RPS6KA2: variants seen among roughly 807,000 people sequenced by gnomAD.
RPS6KA2 encodes the protein ribosomal protein S6 kinase alpha-2.
Under a neutral mutation model 91.8 loss-of-function variants are expected in RPS6KA2, and 42 were observed. The ratio of observed to expected loss-of-function variants is 0.46; its 90% CI spans 0.36 to 0.59. The LOEUF (loss-of-function observed/expected upper bound fraction) is 0.59, where lower values mean the gene tolerates loss of function less well. Ranked by LOEUF, RPS6KA2 falls within the 20% of genes least tolerant of loss-of-function variation. The probability of loss-of-function intolerance (pLI) is 0.00; values close to 1 mark genes in which losing one functional copy is unlikely to be tolerated. For missense variants in RPS6KA2, 798 were observed against 978.5 expected, an observed-to-expected ratio of 0.82 and a Z score of 2.46; for synonymous variants, 414 against 393.6, an observed-to-expected ratio of 1.05 and a Z score of -0.61.
At chr6:166,441,620 C>G (rs1485855557) in intron 14 of RPS6KA2, among the ~76,000 whole-genome samples, 1 of 152,224 alleles carries the variant, frequency 6.6e-6, no homozygotes, top group Non-Finnish European at 1.5e-5. Flanking sequence ...AACTTGAACA[C>G]AAGCTCCCCT....
At chr6:166,685,710 G>A (rs1484276990) in intron 2 of RPS6KA2, among the ~76,000 whole-genome samples, 8 of 152,148 alleles carry the variant, frequency 5.3e-5, no homozygotes, top group Non-Finnish European at 8.8e-5. Context: ...TGGGCATCAC[G>A]TTTCTTATGG....
Position 166,665,634 on chromosome 6 carries a change from CA to C in RPS6KA2, c.124-126851del, listed in dbSNP as rs1788293616. On this transcript the variant is annotated intron_variant, in intron 2 of 21. Transcript: ENST00000503859. This position sits in a 1 kb window ranked among gnomAD's most constrained non-coding sequence, Gnocchi z 4.5. The stretch of plus-strand genomic sequence containing the variant: ...AAGACTCCAGAGCCAGTGCGACCCT[CA>C]TTAGAACAAGCACCGGAGACATGAA... Among the ~76,000 whole-genome samples, 3 of 152,204 alleles carry C rather than the reference CA, an allele frequency of 2.0e-5. No homozygotes were observed. The highest frequency in any genetic ancestry group is 2.0e-4 in the Admixed American group (3 of 15,284).
chr6:166,599,528 C>G (rs1426375834), intron 1 of RPS6KA2, among the ~76,000 whole-genome samples: 1 of 152,216 alleles, frequency 6.6e-6, no homozygotes, highest in African/African-American at 2.4e-5. Context: ...TAGCTCCATT[C>G]AGCCTTCTCA....
chr6:166,820,790 A>C (rs1779887490), intron 2 of RPS6KA2, among the ~76,000 whole-genome samples: 1 of 152,252 alleles, frequency 6.6e-6, no homozygotes, highest in African/African-American at 2.4e-5. Context: ...TTGTTATAAG[A>C]CAGTAAATTG....
At chr6:166,469,587 G>A (rs990894738) in intron 11 of RPS6KA2, among the ~76,000 whole-genome samples, 21 of 152,190 alleles carry the variant, frequency 1.4e-4, no homozygotes, top group Admixed American at 9.2e-4. Context: ...GGGCAGAGGA[G>A]AGTAGAAGGA....
Position 166,563,420 on chromosome 6 carries a change from C to T in RPS6KA2, c.100-24636G>A, listed in dbSNP as rs1033853801. Among the ~76,000 whole-genome samples, 4 of 152,316 alleles carry T rather than the reference C, an allele frequency of 2.6e-5. No homozygotes were observed. Among genetic ancestry groups the T allele is most frequent in the South Asian group, 2.1e-4 (1 of 4,828 alleles). ...GCCAGCGGTGGGATCCCTCTTCCTGCACAGAACCGCCTCTTCCTTCCTCCT... is the reference window on the plus strand; with the variant it reads ...GCCAGCGGTGGGATCCCTCTTCCTGTACAGAACCGCCTCTTCCTTCCTCCT... On this transcript the variant is annotated intron_variant, in intron 1 of 20. Coordinates refer to ENST00000265678, the MANE Select transcript of RPS6KA2 (RefSeq NM_021135.6). The surrounding 1 kb of genome is among the most constrained non-coding windows in gnomAD (Gnocchi z 4.1).
At chr6:166,507,141 T>TCC (rs1327776998) in intron 5 of RPS6KA2, among the ~76,000 whole-genome samples, 3 of 151,990 alleles carry the variant, frequency 2.0e-5, no homozygotes, top group African/African-American at 7.3e-5. Flanking sequence ...TAGCAGTACC[T>TCC]CCCTCTTCCC....
chr6:166,690,851 C>T (rs1052581216), intron 2 of RPS6KA2, among the ~76,000 whole-genome samples: 2 of 152,116 alleles, frequency 1.3e-5, no homozygotes, highest in African/African-American at 4.8e-5. Flanking sequence ...TCTCTGACCA[C>T]GGAGACCCTG....
chr6:166,502,842 G>C (rs957535222), intron 6 of RPS6KA2, among the ~76,000 whole-genome samples: 1 of 152,164 alleles, frequency 6.6e-6, no homozygotes, highest in Non-Finnish European at 1.5e-5. Flanking sequence ...CAGCAGCTGC[G>C]GAGGCTGCTC....
intron 2 of RPS6KA2, among the ~76,000 whole-genome samples, chr6:166,659,826 C>T (rs545725479): frequency 6.6e-6 from 1 of 152,370 alleles, no homozygotes; most frequent in East Asian, 1.9e-4. Context: ...CGGGAGCCCA[C>T]TCCCTCAGTG....
chr6:166,808,967 G>C (rs561440219), intron 2 of RPS6KA2, among the ~76,000 whole-genome samples: 2 of 152,332 alleles, frequency 1.3e-5, no homozygotes, highest in African/African-American at 4.8e-5. Context: ...AATATAGACT[G>C]CAAGACACTA....
At chr6:166,846,850 T>A (rs1780619059) in intron 2 of RPS6KA2, among the ~76,000 whole-genome samples, 1 of 152,052 alleles carries the variant, frequency 6.6e-6, no homozygotes, top group Admixed American at 6.5e-5. Context: ...GTACTGGAAG[T>A]CCTAGCCAGA....
intron 2 of RPS6KA2, among the ~76,000 whole-genome samples, chr6:166,706,411 T>C (rs1171779741): frequency 6.6e-6 from 1 of 152,040 alleles, no homozygotes; most frequent in Non-Finnish European, 1.5e-5. Context: ...AGAAATAAAA[T>C]GAGGAGAAGA....
intron 1 of RPS6KA2, among the ~76,000 whole-genome samples, chr6:166,609,675 T>A (rs997217944): frequency 6.6e-6 from 1 of 152,056 alleles, no homozygotes; most frequent in Non-Finnish European, 1.5e-5. Context: ...AATTTTTGTA[T>A]TTTTAGTAGA....
chr6:166,602,392 G>A (rs1010386230), intron 1 of RPS6KA2, among the ~76,000 whole-genome samples: 3 of 152,164 alleles, frequency 2.0e-5, no homozygotes, highest in African/African-American at 7.2e-5. Flanking sequence ...CTGCCCCTAC[G>A]GTGCTCAAGG....
intron 3 of RPS6KA2, among the ~76,000 whole-genome samples, chr6:166,523,644 T>C (rs1782931061): frequency 6.6e-6 from 1 of 152,122 alleles, no homozygotes; most frequent in Admixed American, 6.5e-5. Flanking sequence ...TTTCCTTACT[T>C]TTTTCTCCCC....
intron 3 of RPS6KA2, among the ~76,000 whole-genome samples, chr6:166,524,749 A>G (rs1369795185): frequency 6.6e-6 from 1 of 152,192 alleles, no homozygotes; most frequent in Non-Finnish European, 1.5e-5. Context: ...GTCGGCAATG[A>G]TGTGGGGTAG....
chr6:166,699,270 C>T (rs1487885417), intron 2 of RPS6KA2, among the ~76,000 whole-genome samples: 1 of 152,088 alleles, frequency 6.6e-6, no homozygotes, highest in Non-Finnish European at 1.5e-5. Flanking sequence ...ATTGCTTCCA[C>T]TTGAGAGGAT....
rs752983510 is a variant in RPS6KA2, at chr6:166,419,791, G to A, written c.1820+91C>T. 34 of 1,194,626 alleles carry A rather than the reference G, an allele frequency of 2.8e-5. No individual in the cohort carries two copies. The highest frequency in any genetic ancestry group is 3.5e-5 in the Non-Finnish European group (28 of 804,826). 74.0% of individuals were successfully genotyped at this position (1,194,626 alleles called of 1,614,324 possible). A position where few individuals can be genotyped will look rare whatever the true frequency, so the allele number is the denominator to read the frequency against. On this transcript the variant is annotated intron_variant, in intron 18 of 20. Coordinates refer to ENST00000265678, the MANE Select transcript of RPS6KA2 (RefSeq NM_021135.6). This position sits in a 1 kb window ranked among gnomAD's most constrained non-coding sequence, Gnocchi z 5.6. ...TGGGTTTGCCCACATGCGCACACTAGGACAGGGCTGGCCCTGGTCCCCTGA... is the reference window on the plus strand; with the variant it reads ...TGGGTTTGCCCACATGCGCACACTAAGACAGGGCTGGCCCTGGTCCCCTGA...
Sources: allele counts gnomAD v4.1 joint callset (sites outside exome capture counted in the v4.1 genomes callset), GRCh38; gene constraint gnomAD v4.1.1; non-coding constraint Gnocchi (gnomAD v3.1); transcripts MANE v1.5; gene names NCBI Gene and HGNC (gene_info 2026-07-23, HGNC 2026-07-21).